SPTBN4: variants seen among roughly 807,000 people sequenced by gnomAD.
The protein encoded by SPTBN4 is spectrin beta chain, non-erythrocytic 4.
In SPTBN4, 96 loss-of-function variants were observed where a neutral mutation model predicts 277.8. The ratio of observed to expected loss-of-function variants is 0.35; its 90% CI spans 0.29 to 0.41. The LOEUF (loss-of-function observed/expected upper bound fraction) is 0.41. Among genes scored for constraint, SPTBN4 ranks in the 10% least tolerant of loss-of-function variants. The probability of loss-of-function intolerance (pLI) is 1.00; values close to 1 mark genes in which losing one functional copy is unlikely to be tolerated. For missense variants in SPTBN4, 3,006 were observed against 3,595.7 expected (o/e 0.84, Z 4.19); for synonymous variants, 1,481 against 1,580.3 (o/e 0.94, Z 1.49).
intron 12 of SPTBN4, among the ~76,000 whole-genome samples, chr19:40,505,416 G>C (rs1169369896): frequency 6.7e-6 from 1 of 149,636 alleles, no homozygotes; most frequent in African/African-American, 2.5e-5. Flanking sequence ...AAGAAGCCGG[G>C]CACGGTGGCT....
At chr19:40,494,260 A>G (rs1020760118) in intron 5 of SPTBN4, among the ~76,000 whole-genome samples, 3 of 151,534 alleles carry the variant, frequency 2.0e-5, no homozygotes, top group Non-Finnish European at 4.4e-5. Context: ...CCATGTGTCT[A>G]TCTCTATATC....
intron 18 of SPTBN4, among the ~76,000 whole-genome samples, chr19:40,530,148 C>G (rs971492907): frequency 1.3e-5 from 2 of 152,068 alleles, no homozygotes; most frequent in Non-Finnish European, 2.9e-5. Context: ...GCCAGGAGCC[C>G]GAGCTTCTTC....
chr19:40,559,054 C>T (rs1044709567), intron 26 of SPTBN4, among the ~76,000 whole-genome samples: 5 of 151,084 alleles, frequency 3.3e-5, no homozygotes, highest in African/African-American at 9.8e-5. Flanking sequence ...ACTTCAGCCT[C>T]GAGTAGCTGG....
intron 25 of SPTBN4, among the ~76,000 whole-genome samples, chr19:40,556,810 C>A (rs1327025987): frequency 6.6e-6 from 1 of 152,156 alleles, no homozygotes; most frequent in African/African-American, 2.4e-5. Flanking sequence ...TGCCTGTAGT[C>A]CTAGCTGTTT....
chr19:40,575,508 C>T lies in SPTBN4; in HGVS notation c.7634C>T (p.Thr2545Ile). 1 of 1,613,382 alleles carries T rather than the reference C, an allele frequency of 6.2e-7. No homozygotes were observed. The highest frequency in any genetic ancestry group is 8.5e-7 in the Non-Finnish European group (1 of 1,179,914). ...CAGACACTACCCACTACTTCATCCACAGATGAGGGCAACCCTAAGAGGGAA... is the reference window on the plus strand; with the variant it reads ...CAGACACTACCCACTACTTCATCCATAGATGAGGGCAACCCTAAGAGGGAA... ...WGQTLPTTSSTDEGNPKREGG... is the reference protein window; with the variant it reads ...WGQTLPTTSSIDEGNPKREGG... The change falls in exon 36 of 36, where the codon ACA becomes ATA. Residue 2545 changes from threonine to isoleucine, a missense_variant. Thr to Ile is a moderately conservative substitution (Grantham distance 89). Coordinates refer to ENST00000598249, the MANE Select transcript of SPTBN4 (RefSeq NM_020971.3).
chr19:40,552,227 G>A (rs2080925445), intron 22 of SPTBN4, among the ~76,000 whole-genome samples: 2 of 151,990 alleles, frequency 1.3e-5, no homozygotes, highest in Admixed American at 6.6e-5. Context: ...AGGCCGAGGC[G>A]AGTGGATCAC....
chr19:40,529,228 T>A, intron 18 of SPTBN4, 97 bp downstream of exon 18: 1 of 1,214,264 alleles, frequency 8.2e-7, no homozygotes. Context: ...CCCGTCTAAG[T>A]GGGTCGCGGA....
At chr19:40,503,503 G>A (rs2080286689) in intron 11 of SPTBN4, among the ~76,000 whole-genome samples, 1 of 151,422 alleles carries the variant, frequency 6.6e-6, no homozygotes, top group Non-Finnish European at 1.5e-5. Flanking sequence ...AGATTGGGCT[G>A]GTCTCCAGGA....
chr19:40,491,133 T>C (rs2080131256), intron 4 of SPTBN4, among the ~76,000 whole-genome samples: 1 of 152,076 alleles, frequency 6.6e-6, no homozygotes, highest in Admixed American at 6.6e-5. Flanking sequence ...AGATTTTAGA[T>C]ATGGTGGTCA....
At chr19:40,548,796 C>A (rs994885467) in intron 20 of SPTBN4, among the ~76,000 whole-genome samples, 1 of 151,794 alleles carries the variant, frequency 6.6e-6, no homozygotes, top group Non-Finnish European at 1.5e-5. Context: ...TGGACAAATT[C>A]TTTAACTTCT....
chr19:40,516,625 A>C (rs1219163384), intron 15 of SPTBN4, among the ~76,000 whole-genome samples: 1 of 152,106 alleles, frequency 6.6e-6, no homozygotes, highest in Non-Finnish European at 1.5e-5. Context: ...GGAGTTCGAG[A>C]CCAGCCTGAC....
chr19:40,512,889 G>A lies in SPTBN4; in HGVS notation c.2100G>A (p.Gln700=). The part of the protein sequence containing the change: ...DLSSTARLLA[Q]HKILQGELGG... Reference sequence around the variant, plus strand: ...CCAGCACAGCGCGCCTCCTGGCCCAGCACAAGATCCTGCAGGGCGAGCTGG... The same window carrying A: ...CCAGCACAGCGCGCCTCCTGGCCCAACACAAGATCCTGCAGGGCGAGCTGG... The change falls in exon 14 of 36, where the codon CAG becomes CAA. Residue 700 remains glutamine (Q), a synonymous_variant. Coordinates refer to ENST00000598249, the MANE Select transcript of SPTBN4 (RefSeq NM_020971.3). 6.9e-7 allele frequency: 1 copy of A among 1,443,802 alleles called. No individual in the cohort carries two copies. Among genetic ancestry groups the A allele is most frequent in the Non-Finnish European group, 9.0e-7 (1 of 1,109,432 alleles). The allele number at this position is 1,443,802 out of a possible 1,614,324, so 89.4% of individuals were successfully genotyped here.
chr19:40,561,271 C>T (rs1599812752), intron 27 of SPTBN4, among the ~76,000 whole-genome samples: 1 of 152,094 alleles, frequency 6.6e-6, no homozygotes, highest in Admixed American at 6.6e-5. Context: ...CCTCAGCCTT[C>T]CAAAGTGCTG....
intron 3 of SPTBN4, among the ~76,000 whole-genome samples, chr19:40,488,401 G>A (rs1048949471): frequency 5.9e-5 from 9 of 152,018 alleles, no homozygotes; most frequent in Non-Finnish European, 1.0e-4. Flanking sequence ...GGCTTGAATG[G>A]GGTTTCATCT....
intron 20 of SPTBN4, among the ~76,000 whole-genome samples, chr19:40,546,246 G>C (rs1212479726): frequency 1.3e-5 from 2 of 148,820 alleles, no homozygotes; most frequent in African/African-American, 4.9e-5. Flanking sequence ...AAAAAAGAAA[G>C]AAAGAAAGAA....
intron 20 of SPTBN4, among the ~76,000 whole-genome samples, chr19:40,548,497 C>G (rs1202302864): frequency 6.6e-6 from 1 of 151,466 alleles, no homozygotes; most frequent in African/African-American, 2.4e-5. Flanking sequence ...ATTTGTTCAT[C>G]CTGAGGTCAG....
chr19:40,549,360 C>T lies in SPTBN4; in HGVS notation c.4531C>T (p.Leu1511=), dbSNP rs1183868004. 16 of 1,515,656 alleles carry T rather than the reference C, an allele frequency of 1.1e-5. No individual in the cohort carries two copies. The African/African-American group carries it at 1.9e-4, about 18-fold the overall frequency. The allele number at this position is 1,515,656 out of a possible 1,614,324, so 93.9% of individuals were successfully genotyped here. A position where few individuals can be genotyped will look rare whatever the true frequency, so the allele number is the denominator to read the frequency against. ...GCCGTTGCAGGAGCGCCGCCGCTTGCTGCTGGCTTCCAAGGAGTTGCACCA... is the reference window on the plus strand; with the variant it reads ...GCCGTTGCAGGAGCGCCGCCGCTTGTTGCTGGCTTCCAAGGAGTTGCACCA... ...LEPLQERRRL[L]LASKELHQVA... is the part of the protein sequence containing the mutation. The change falls in exon 21 of 36, where the codon CTG becomes TTG. Residue 1511 remains leucine (L), a synonymous_variant. Coordinates refer to ENST00000598249, the MANE Select transcript of SPTBN4 (RefSeq NM_020971.3).
chr19:40,519,734 C>A lies in SPTBN4; in HGVS notation c.3237C>A (p.Ala1079=). Residue 1079 remains alanine, a synonymous_variant, in exon 16 of 36, where the codon GCC becomes GCA. Transcript: ENST00000598249. The surrounding 1 kb of genome is among the most constrained non-coding windows in gnomAD (Gnocchi z 5.7). Reference sequence around the variant, plus strand: ...GCGCGCTAGCTAGCGCGGCTCAGGCCTGCGGCGAGGCGGTGGCGGCAGCAG... The same window carrying A: ...GCGCGCTAGCTAGCGCGGCTCAGGCATGCGGCGAGGCGGTGGCGGCAGCAG... ...EWGALASAAQ[A]CGEAVAAAGR... The A allele has an allele frequency of 7.1e-7, 1 of 1,408,328 alleles. No homozygotes were observed. The highest frequency in any genetic ancestry group is 9.1e-7 in the Non-Finnish European group (1 of 1,093,336). The allele number at this position is 1,408,328 out of a possible 1,614,324, so 87.2% of individuals were successfully genotyped here.
rs769058572 is a variant in SPTBN4, at chr19:40,568,260, A to C, written c.6934A>C (p.Ile2312Leu). Residue 2312 changes from isoleucine to leucine, a missense_variant, in exon 31 of 36, where the codon ATC becomes CTC. This residue lies in a region of SPTBN4 where 630 missense variants were observed against 677.6 expected (regional missense o/e 0.93). Transcript: ENST00000598249. Reference sequence around the variant, plus strand: ...GGAGTCCAGCGAACAGGAGATGCCCATCAGAGGAGACCTGGTCAAGGGGTG... The same window carrying C: ...GGAGTCCAGCGAACAGGAGATGCCCCTCAGAGGAGACCTGGTCAAGGGGTG... ...RQESSEQEMP[I>L]RGDLVKGKAT... 6.2e-7 allele frequency: 1 copy of C among 1,605,274 alleles called. No homozygotes were observed. Among genetic ancestry groups the C allele is most frequent in the Non-Finnish European group, 8.5e-7 (1 of 1,176,350 alleles).
Sources: allele counts gnomAD v4.1 joint callset (sites outside exome capture counted in the v4.1 genomes callset), GRCh38; gene constraint gnomAD v4.1.1; regional missense constraint gnomAD v4.1.1; non-coding constraint Gnocchi (gnomAD v3.1); transcripts MANE v1.5; gene names NCBI Gene and HGNC (gene_info 2026-07-23, HGNC 2026-07-21).